The following TFB1M variants were observed in gnomAD, a reference collection of about 807,000 sequenced individuals.
The protein encoded by TFB1M is dimethyladenosine transferase 1, mitochondrial.
TFB1M carries 27 observed loss-of-function variants against 31.1 expected under a neutral mutation model. The observed-to-expected ratio is 0.87, with a 90% CI of 0.64 to 1.20. The LOEUF is 1.20. TFB1M is among the 50% of genes most tolerant of loss of function. TFB1M has a pLI of 0.00. For synonymous variants in TFB1M, 166 were observed against 151.8 expected, an observed-to-expected ratio of 1.09 and a Z score of -0.69; for missense variants, 394 against 418.7, an observed-to-expected ratio of 0.94 and a Z score of 0.51.
rs1454997425 is a variant in TFB1M, at chr6:155,296,429, T to TC, written c.546+523_546+524insG. Among the ~76,000 whole-genome samples the TC allele has an allele frequency of 3.0e-4, 30 of 98,902 alleles. 1 individual carries two copies. The East Asian group carries it at 8.6e-3, about 28-fold the overall frequency. 64.9% of individuals were successfully genotyped at this position (98,902 alleles called of 152,430 possible). A position where few individuals can be genotyped will look rare whatever the true frequency, so the allele number is the denominator to read the frequency against. Reference sequence around the variant, plus strand: ...CACCCCCCACCACACCCAGCTAATTTTTTTTTTTTTTTTTTTTTTTTTGTA... The same window carrying TC: ...CACCCCCCACCACACCCAGCTAATTTCTTTTTTTTTTTTTTTTTTTTTTGTA... On this transcript the variant is annotated intron_variant, in intron 4 of 6. Transcript: ENST00000367166.
At chr6:155,236,294 G>A in the TFB1M span, among the ~76,000 whole-genome samples, 2 of 151,830 alleles carry the variant, frequency 1.3e-5, no homozygotes, top group Non-Finnish European at 1.5e-5. Context: ...AGCAGAACGC[G>A]AGCTGTATGA....
In TFB1M at chr6:155,256,893, A is replaced by C; in HGVS notation, c.*943T>G. 1 of 1,614,192 alleles carries C rather than the reference A, an allele frequency of 6.2e-7. No homozygotes were observed. The highest frequency in any genetic ancestry group is 8.5e-7 in the Non-Finnish European group (1 of 1,180,028). On this transcript the variant is annotated 3_prime_UTR_variant, in exon 7 of 7. Coordinates refer to ENST00000367166, the MANE Select transcript of TFB1M (RefSeq NM_016020.4). Reference sequence around the variant, plus strand: ...GTCAGAAAGGAGGAGAGCAGCCCAAACTGGTCCGGGGGCACTTCTGCCCCA... The same window carrying C: ...GTCAGAAAGGAGGAGAGCAGCCCAACCTGGTCCGGGGGCACTTCTGCCCCA...
downstream of TFB1M, chr6:155,254,345 C>A: frequency 6.4e-7 from 1 of 1,559,156 alleles, no homozygotes; most frequent in South Asian, 1.2e-5. Flanking sequence ...GGCACAGGAA[C>A]ACAGGCGGGC....
At chr6:155,230,537 G>A in the TFB1M span, among the ~76,000 whole-genome samples, 1 of 35,480 alleles carries the variant, frequency 2.8e-5, no homozygotes, top group African/African-American at 1.8e-4. Flanking sequence ...CAGACTCAAG[G>A]AGTGATTTGT....
chr6:155,255,236 C>G (rs557609513), downstream of TFB1M: 1 of 152,208 alleles, frequency 6.6e-6, no homozygotes. Flanking sequence ...TCCATATTAT[C>G]AACTTAACAA....
At chr6:155,230,999 A>ATTT in the TFB1M span, among the ~76,000 whole-genome samples, 1 of 146,910 alleles carries the variant, frequency 6.8e-6, no homozygotes, top group African/African-American at 2.5e-5. Context: ...AGCCTGGCTA[A>ATTT]TTTTTTTTTT....
At chr6:155,266,191 T>C (rs940359587) in intron 5 of TFB1M, among the ~76,000 whole-genome samples, 2 of 151,920 alleles carry the variant, frequency 1.3e-5, no homozygotes, top group Admixed American at 6.6e-5. Flanking sequence ...CATCACAACA[T>C]TTTTTTTAAA....
chr6:155,240,322 C>G, the TFB1M span, among the ~76,000 whole-genome samples: 12 of 152,374 alleles, frequency 7.9e-5, no homozygotes, highest in East Asian at 2.1e-3. Context: ...TGTGTAAACA[C>G]TGAACATGAG....
Position 155,295,815 on chromosome 6 carries a change from C to A in TFB1M, c.546+1138G>T, listed in dbSNP as rs80298981. ...TACAGTGTAACAACTATTTATAAAA[C>A]ATTTATACTGTCTTAGGTATTACAA... On this transcript the variant is annotated intron_variant, in intron 4 of 6. Coordinates refer to ENST00000367166, the MANE Select transcript of TFB1M (RefSeq NM_016020.4). Among the ~76,000 whole-genome samples the A allele has an allele frequency of 7.2e-3, 1,103 of 152,240 alleles. 19 individuals carry two copies. Among genetic ancestry groups the A allele is most frequent in the African/African-American group, 0.025 (1,058 of 41,526 alleles).
At chr6:155,254,424 G>A (rs539623351), downstream of TFB1M, 3 of 1,611,492 alleles carry the variant, frequency 1.9e-6, no homozygotes, top group African/African-American at 2.7e-5. Flanking sequence ...CCCAGTGACA[G>A]TGAAAGCAAA....
downstream of TFB1M, chr6:155,252,940 T>C (rs1312350541): frequency 3.1e-6 from 5 of 1,613,588 alleles, no homozygotes; most frequent in African/African-American, 1.3e-5. Context: ...TGGGCCTTCA[T>C]GTTACAGCCC....
chr6:155,258,862 T>G (rs1220115382), intron 6 of TFB1M, among the ~76,000 whole-genome samples: 2 of 151,664 alleles, frequency 1.3e-5, no homozygotes, highest in African/African-American at 2.4e-5. Flanking sequence ...CAGGGTGAGG[T>G]GACAGATCTT....
chr6:155,267,803 AAGTTC>A (rs1784729829), intron 5 of TFB1M, among the ~76,000 whole-genome samples: 1 of 152,238 alleles, frequency 6.6e-6, no homozygotes, highest in African/African-American at 2.4e-5. Flanking sequence ...CAGCCAAGAA[AAGTTC>A]AGTTTGAAGG....
At chr6:155,286,548 T>C (rs1287659574) in intron 4 of TFB1M, among the ~76,000 whole-genome samples, 4 of 148,864 alleles carry the variant, frequency 2.7e-5, no homozygotes, top group African/African-American at 4.9e-5. Flanking sequence ...TGTGTATATA[T>C]GTGTGTATAT....
intron 5 of TFB1M, among the ~76,000 whole-genome samples, chr6:155,267,421 C>T (rs1282698873): frequency 2.0e-5 from 3 of 152,196 alleles, no homozygotes; most frequent in Non-Finnish European, 4.4e-5. Context: ...ACACACAGAC[C>T]AGGTGGTCTT....
intron 3 of TFB1M, among the ~76,000 whole-genome samples, chr6:155,297,746 G>A (rs1306381161): frequency 6.6e-6 from 1 of 152,212 alleles, no homozygotes; most frequent in Non-Finnish European, 1.5e-5. Flanking sequence ...ATGAATTTGG[G>A]AGAACTCAGT....
intron 4 of TFB1M, among the ~76,000 whole-genome samples, chr6:155,290,648 T>C (rs1484621539): frequency 1.3e-5 from 2 of 152,150 alleles, no homozygotes; most frequent in Non-Finnish European, 2.9e-5. Context: ...TAACCACAAC[T>C]GACATGCTGA....
At chr6:155,267,555 G>C (rs1310435669) in intron 5 of TFB1M, among the ~76,000 whole-genome samples, 1 of 152,242 alleles carries the variant, frequency 6.6e-6, no homozygotes, top group Non-Finnish European at 1.5e-5. Flanking sequence ...TGATTGGTGA[G>C]TGACGACAGC....
chr6:155,291,656 G>A (rs936198420), intron 4 of TFB1M, among the ~76,000 whole-genome samples: 1 of 152,118 alleles, frequency 6.6e-6, no homozygotes, highest in African/African-American at 2.4e-5. Context: ...GCTGTGGGAG[G>A]CTCTGCTGTG....
Sources: allele counts gnomAD v4.1 joint callset (sites outside exome capture counted in the v4.1 genomes callset), GRCh38; gene constraint gnomAD v4.1.1; transcripts MANE v1.5; gene names NCBI Gene and HGNC (gene_info 2026-07-23, HGNC 2026-07-21).